Variants in ZNF66 observed in about 807,000 individuals in gnomAD.
ZNF66 encodes the protein putative zinc finger protein 66.
ZNF66 carries 32 observed loss-of-function variants against 35.2 expected under a neutral mutation model. The ratio of observed to expected loss-of-function variants is 0.91; its 90% confidence interval spans 0.69 to 1.22. ZNF66 has a LOEUF of 1.22. Among genes scored for constraint, ZNF66 ranks in the 50% most tolerant of loss-of-function variants. The pLI, the probability that ZNF66 is intolerant of heterozygous loss-of-function variation, is 0.00. For missense variants in ZNF66, 666 were observed against 543.1 expected (o/e 1.23, Z -2.25); for synonymous variants, 231 against 181.3 (o/e 1.27, Z -2.20).
chr19:20,787,258 A>C (rs1971294904), intron 1 of ZNF66, among the ~76,000 whole-genome samples: 1 of 152,144 alleles, frequency 6.6e-6, no homozygotes, highest in African/African-American at 2.4e-5. Context: ...CTTTGCTCCC[A>C]GGTTATGATC....
chr19:20,778,199 A>G (rs1294017457), intron 1 of ZNF66, among the ~76,000 whole-genome samples: 2 of 152,134 alleles, frequency 1.3e-5, no homozygotes, highest in Non-Finnish European at 2.9e-5. Flanking sequence ...TCCCAGGTTC[A>G]AGCAGTTCTC....
At chr19:20,786,458 C>T (rs1971287976) in intron 1 of ZNF66, among the ~76,000 whole-genome samples, 1 of 150,482 alleles carries the variant, frequency 6.6e-6, no homozygotes, top group Non-Finnish European at 1.5e-5. Context: ...TGAGAATCTC[C>T]ACTTTCTTCT....
chr19:20,804,436 G>A (rs1294014079), intron 3 of ZNF66, among the ~76,000 whole-genome samples: 1 of 151,888 alleles, frequency 6.6e-6, no homozygotes, highest in African/African-American at 2.4e-5. Context: ...GTAGAGATAA[G>A]GTTTCACCAT....
rs778503926 is a variant in ZNF66, at chr19:20,793,828, G to GA, written c.183dup (p.Pro62ThrfsTer8). ...GACCTCATCACCCATCTGGAGCAAGGAAAAAAACCTTCGACTATGCAGAGA... is the reference window on the plus strand; with the variant it reads ...GACCTCATCACCCATCTGGAGCAAGGAAAAAAAACCTTCGACTATGCAGAGA... On this transcript the variant is annotated frameshift_variant, in exon 3 of 4. Coordinates refer to ENST00000344519, the MANE Select transcript of ZNF66 (RefSeq NM_001355197.2). LOFTEE classifies it high-confidence loss of function. The GA allele has an allele frequency of 6.9e-6, 8 of 1,163,394 alleles. No homozygotes were observed. Among genetic ancestry groups the GA allele is most frequent in the South Asian group, 1.7e-5 (1 of 59,376 alleles). 72.1% of individuals were successfully genotyped at this position (1,163,394 alleles called of 1,614,324 possible).
In ZNF66 at chr19:20,809,565, A is replaced by T. The variant is rs964872122; in HGVS notation, c.*2243A>T. Among the ~76,000 whole-genome samples the T allele has an allele frequency of 2.6e-5, 4 of 152,060 alleles. No homozygotes were observed. Among genetic ancestry groups the T allele is most frequent in the Non-Finnish European group, 5.9e-5 (4 of 67,974 alleles). On this transcript the variant is annotated 3_prime_UTR_variant, in exon 4 of 4. Coordinates refer to ENST00000344519, the MANE Select transcript of ZNF66 (RefSeq NM_001355197.2). ...AAAAGAATTTTCAACCCAGAATTTCATATCCAGCCAAACTAAGCTTCATAA... is the reference window on the plus strand; with the variant it reads ...AAAAGAATTTTCAACCCAGAATTTCTTATCCAGCCAAACTAAGCTTCATAA...
At position 20,801,811 on chromosome 19, in the gene ZNF66, T is replaced by C. The variant is rs139865357; in HGVS notation, c.227-4016T>C. On this transcript the variant is annotated intron_variant, in intron 3 of 3. Coordinates refer to ENST00000344519, the MANE Select transcript of ZNF66 (RefSeq NM_001355197.2). ...CAGCTAGCTTTTTTTGTATTTTTCA[T>C]AGAGACAGAGTTTTGCCATGTTGCC... Among the ~76,000 whole-genome samples the C allele has an allele frequency of 1.2e-4, 18 of 151,902 alleles. No homozygotes were observed. In the East Asian group the frequency reaches 3.5e-3, roughly 29 times the overall value.
In ZNF66 at chr19:20,809,735, T is replaced by C. The variant is rs1447357658; in HGVS notation, c.*2413T>C. ...CAGCCGCTGCAAAATCATGCCAAAATGTAAAGACCATCGAGACTAGGAAGA... is the reference window on the plus strand; with the variant it reads ...CAGCCGCTGCAAAATCATGCCAAAACGTAAAGACCATCGAGACTAGGAAGA... On this transcript the variant is annotated 3_prime_UTR_variant, in exon 4 of 4. Transcript: ENST00000344519. 2.0e-5 allele frequency among the ~76,000 whole-genome samples: 3 copies of C among 151,326 alleles called. No homozygotes were observed. The highest frequency in any genetic ancestry group is 7.3e-5 in the African/African-American group (3 of 41,178).
At position 20,792,610 on chromosome 19, in the gene ZNF66, A is replaced by T. The variant is rs761559066; in HGVS notation, c.102A>T (p.Leu34Phe). The change falls in exon 2 of 4, where the codon TTA becomes TTT. Residue 34 changes from leucine to phenylalanine, a missense_variant. By Grantham distance (22) the Leu-to-Phe change is conservative. Coordinates refer to ENST00000344519, the MANE Select transcript of ZNF66 (RefSeq NM_001355197.2). ...GGAATTTATATAGGGATGTGATGTTAGAGAACTACAGAAACCTGGTCTTTC... is the reference window on the plus strand; with the variant it reads ...GGAATTTATATAGGGATGTGATGTTTGAGAACTACAGAAACCTGGTCTTTC... Reference protein sequence around the residue: ...AQRNLYRDVMLENYRNLVFLG... With the variant: ...AQRNLYRDVMFENYRNLVFLG... 5 of 1,463,356 alleles carry T rather than the reference A, an allele frequency of 3.4e-6. No individual in the cohort carries two copies. Among genetic ancestry groups the T allele is most frequent in the Non-Finnish European group, 4.8e-6 (5 of 1,050,592 alleles). The allele number at this position is 1,463,356 out of a possible 1,614,324, so 90.6% of individuals were successfully genotyped here.
At chr19:20,790,229 AT>A (rs1371566685) in intron 1 of ZNF66, among the ~76,000 whole-genome samples, 1 of 152,248 alleles carries the variant, frequency 6.6e-6, no homozygotes, top group African/African-American at 2.4e-5. Context: ...CACATGGCCA[AT>A]TTGCAGAAAT....
intron 3 of ZNF66, among the ~76,000 whole-genome samples, chr19:20,804,664 G>A (rs1241528127): frequency 6.6e-6 from 1 of 152,094 alleles, no homozygotes; most frequent in African/African-American, 2.4e-5. Flanking sequence ...TGTAATCTTT[G>A]ATTGAGCTTT....
chr19:20,803,311 C>CTTT (rs71174750), intron 3 of ZNF66, among the ~76,000 whole-genome samples: 1 of 131,522 alleles, frequency 7.6e-6, no homozygotes. Context: ...CTCTTTCTGT[C>CTTT]TTTTTTTTTT....
intron 1 of ZNF66, among the ~76,000 whole-genome samples, chr19:20,791,795 T>C (rs1971340355): frequency 6.6e-6 from 1 of 152,190 alleles, no homozygotes; most frequent in Non-Finnish European, 1.5e-5. Context: ...CAGTTAATGG[T>C]TAATGATTCA....
At position 20,806,843 on chromosome 19, in the gene ZNF66, C is replaced by A; in HGVS notation, c.1243C>A (p.His415Asn). 7.4e-7 allele frequency: 1 copy of A among 1,351,532 alleles called. No individual in the cohort carries two copies. Among genetic ancestry groups the A allele is most frequent in the Non-Finnish European group, 1.1e-6 (1 of 943,246 alleles). The allele number at this position is 1,351,532 out of a possible 1,614,324, so 83.7% of individuals were successfully genotyped here. Reference sequence around the variant, plus strand: ...TAAGCACTCCTCTCCCCTTTCTAAACATAAGAGAATTCATACTGGAGAGAA... The same window carrying A: ...TAAGCACTCCTCTCCCCTTTCTAAAAATAAGAGAATTCATACTGGAGAGAA... ...VFKHSSPLSK[H>N]KRIHTGEKPY... Residue 415 changes from histidine (H) to asparagine (N), a missense_variant, in exon 4 of 4, where the codon CAT becomes AAT. By Grantham distance (68) the His-to-Asn change is moderately conservative (BLOSUM62 1). Coordinates refer to ENST00000344519, the MANE Select transcript of ZNF66 (RefSeq NM_001355197.2).
chr19:20,803,487 T>C (rs1243910235), intron 3 of ZNF66, among the ~76,000 whole-genome samples: 1 of 152,046 alleles, frequency 6.6e-6, no homozygotes, highest in African/African-American at 2.4e-5. Flanking sequence ...TTTTTCATCA[T>C]TACATCTGCC....
chr19:20,808,542 A>G lies in ZNF66; in HGVS notation c.*1220A>G, dbSNP rs1198185612. ...GCAGCAGCATTTGTGGTTCATGAAA[A>G]TCCGCTGTTCTACAGCCACTGATGC... On this transcript the variant is annotated 3_prime_UTR_variant, in exon 4 of 4. Transcript: ENST00000344519. Among the ~76,000 whole-genome samples the G allele has an allele frequency of 6.6e-6, 1 of 152,136 alleles. No homozygotes were observed. The highest frequency in any genetic ancestry group is 1.9e-4 in the East Asian group (1 of 5,172).
chr19:20,794,780 A>G (rs1971375224), intron 3 of ZNF66, among the ~76,000 whole-genome samples: 1 of 150,884 alleles, frequency 6.6e-6, no homozygotes, highest in East Asian at 1.9e-4. Flanking sequence ...TATTTTGCTA[A>G]TTTACTGAGT....
intron 3 of ZNF66, chr19:20,794,250 C>G (rs118014194): frequency 9.8e-5 from 21 of 214,716 alleles, no homozygotes; most frequent in Non-Finnish European, 1.6e-4. Flanking sequence ...TTTTAGTTTT[C>G]TTTTTGTATC....
At chr19:20,777,776 C>T (rs1486735886) in intron 1 of ZNF66, among the ~76,000 whole-genome samples, 1 of 152,014 alleles carries the variant, frequency 6.6e-6, no homozygotes, top group Non-Finnish European at 1.5e-5. Context: ...CAGGCAAGCG[C>T]CACCACTCCC....
At chr19:20,784,115 C>T (rs1416684950) in intron 1 of ZNF66, among the ~76,000 whole-genome samples, 2 of 152,148 alleles carry the variant, frequency 1.3e-5, no homozygotes, top group Non-Finnish European at 2.9e-5. Flanking sequence ...ATCTCAGCCT[C>T]AAGTTGCTGG....
Sources: gnomAD v4.1 joint callset for allele counts (sites outside exome capture counted in the v4.1 genomes callset) on GRCh38, gnomAD v4.1.1 for gene constraint, MANE v1.5 for transcripts, NCBI Gene and HGNC (gene_info 2026-07-23, HGNC 2026-07-21) for gene names.